Variants in TLK1 observed in about 807,000 individuals in gnomAD.
TLK1 encodes tousled like kinase 1.
In TLK1, 24 loss-of-function variants were observed where a neutral mutation model predicts 105.3. The observed-to-expected ratio is 0.23, with a 90% CI of 0.17 to 0.32. TLK1 has a LOEUF of 0.32. Ranked by LOEUF, TLK1 falls within the 10% of genes least tolerant of loss-of-function variation. The pLI, the probability that TLK1 is intolerant of heterozygous loss-of-function variation, is 1.00. For missense variants in TLK1, 558 were observed against 910.5 expected (o/e 0.61, Z 4.98); for synonymous variants, 321 against 310.4 (o/e 1.03, Z -0.36).
chr2:170,996,637 T>C lies in TLK1; in HGVS notation c.2124+16A>G, dbSNP rs764357460. 7 of 1,598,274 alleles carry C rather than the reference T, an allele frequency of 4.4e-6. No homozygotes were observed. The East Asian group carries it at 1.1e-4, about 25-fold the overall frequency. ...GAAAAGTTACTTCACAAAACTCATTTACAAAAATTTAATACCTTGGCTTCA... is the reference window on the plus strand; with the variant it reads ...GAAAAGTTACTTCACAAAACTCATTCACAAAAATTTAATACCTTGGCTTCA... On this transcript the variant is annotated intron_variant, in intron 20 of 20. Coordinates refer to ENST00000431350, the MANE Select transcript of TLK1 (RefSeq NM_012290.5).
intron 11 of TLK1, among the ~76,000 whole-genome samples, chr2:171,029,723 G>A (rs1685948330): frequency 6.6e-6 from 1 of 152,058 alleles, no homozygotes; most frequent in South Asian, 2.1e-4. Flanking sequence ...ACCTGACTTT[G>A]AAAAGTAATC....
chr2:171,107,506 T>C (rs1168994964), intron 2 of TLK1, among the ~76,000 whole-genome samples: 2 of 152,200 alleles, frequency 1.3e-5, no homozygotes, highest in Non-Finnish European at 2.9e-5. Flanking sequence ...GAGACTATTA[T>C]GTATTATAAC....
At chr2:170,998,358 A>G (rs925476593) in intron 18 of TLK1, among the ~76,000 whole-genome samples, 3 of 152,134 alleles carry the variant, frequency 2.0e-5, no homozygotes, top group African/African-American at 7.2e-5. Context: ...TGGCAACAAC[A>G]TACATTTTCA....
rs369946876 is a variant in TLK1, at chr2:171,086,634, C to A, written c.259-3782G>T. On this transcript the variant is annotated intron_variant, in intron 2 of 20. Transcript: ENST00000431350. ...GAGCAAGACTCCGTCTCAAAAAAAACAAACAAAAAAAAAAAACAGAAAAAA... is the reference window on the plus strand; with the variant it reads ...GAGCAAGACTCCGTCTCAAAAAAAAAAAACAAAAAAAAAAAACAGAAAAAA... Among the ~76,000 whole-genome samples the A allele has an allele frequency of 7.6e-3, 684 of 89,852 alleles. 4 individuals are homozygous for A. The highest frequency in any genetic ancestry group is 0.026 in the African/African-American group (586 of 22,492). The allele number at this position is 89,852 out of a possible 152,430, so 58.9% of individuals were successfully genotyped here.
At chr2:171,077,868 G>T (rs961443603) in intron 3 of TLK1, among the ~76,000 whole-genome samples, 2 of 152,176 alleles carry the variant, frequency 1.3e-5, no homozygotes, top group African/African-American at 2.4e-5. Context: ...GTGAATTCAT[G>T]AGCTAATGAA....
intron 1 of TLK1, among the ~76,000 whole-genome samples, chr2:171,148,308 A>C (rs913748028): frequency 5.3e-5 from 8 of 152,080 alleles, no homozygotes; most frequent in Non-Finnish European, 8.8e-5. Flanking sequence ...TAGGTGCCTA[A>C]TAATGTGTGT....
At chr2:171,049,785 A>G (rs770620327) in intron 10 of TLK1, 29 bp downstream of exon 10, 1 of 1,610,672 alleles carries the variant, frequency 6.2e-7, no homozygotes, top group Non-Finnish European at 8.5e-7. Flanking sequence ...ACGAATACTA[A>G]AAACTTTTAA....
chr2:171,160,838 G>C lies in TLK1; in HGVS notation c.-410C>G, dbSNP rs1460266407. ...AGTGCGTCGGCCCCCGGCGTCGCCC[G>C]GGAGGCGGCGGCGGCGGGCTGTGGG... On this transcript the variant is annotated 5_prime_UTR_variant, in exon 1 of 21. Transcript: ENST00000431350. The surrounding 1 kb of genome is among the most constrained non-coding windows in gnomAD (Gnocchi z 4.4). The C allele has an allele frequency of 3.1e-6, 1 of 327,472 alleles. No individual in the cohort carries two copies. The highest frequency in any genetic ancestry group is 1.4e-4 in the South Asian group (1 of 7,036). 20.3% of individuals were successfully genotyped at this position (327,472 alleles called of 1,614,324 possible).
chr2:171,104,268 T>C (rs1394343843), intron 2 of TLK1, among the ~76,000 whole-genome samples: 2 of 145,522 alleles, frequency 1.4e-5, no homozygotes, highest in Non-Finnish European at 3.0e-5. Context: ...AGAGTTGAGA[T>C]TCTGTCTCAA....
intron 1 of TLK1, among the ~76,000 whole-genome samples, chr2:171,217,826 T>C (rs1045144618): frequency 1.3e-5 from 2 of 152,228 alleles, no homozygotes; most frequent in East Asian, 3.8e-4. Context: ...TCTGCATATA[T>C]ATGTGTGACT....
intron 1 of TLK1, among the ~76,000 whole-genome samples, chr2:171,169,586 A>G (rs1050210608): frequency 2.6e-5 from 4 of 152,188 alleles, no homozygotes; most frequent in African/African-American, 9.7e-5. Flanking sequence ...AAAATATACC[A>G]AAGTATTAAG....
chr2:171,141,590 C>G (rs1463843685), intron 1 of TLK1, among the ~76,000 whole-genome samples: 1 of 152,006 alleles, frequency 6.6e-6, no homozygotes, highest in Admixed American at 6.6e-5. Flanking sequence ...AGATTACAGT[C>G]AAAGGAGCAA....
rs1363377793 is a variant in TLK1, at chr2:171,108,047, A to C, written c.258+9692T>G. Among the ~76,000 whole-genome samples the C allele has an allele frequency of 4.1e-5, 6 of 146,438 alleles. No homozygotes were observed. The Admixed American group carries it at 4.1e-4, about 10-fold the overall frequency. ...ACTCCAGCCTGGGTGACAGAGTGAG[A>C]CCCCTCTCTCAAAAAAAAAACAACA... On this transcript the variant is annotated intron_variant, in intron 2 of 20. Coordinates refer to ENST00000431350, the MANE Select transcript of TLK1 (RefSeq NM_012290.5).
At chr2:171,058,359 T>C (rs1192505522) in intron 4 of TLK1, among the ~76,000 whole-genome samples, 162 bp from the exon 5 acceptor site, 1 of 152,124 alleles carries the variant, frequency 6.6e-6, no homozygotes, top group Non-Finnish European at 1.5e-5. Flanking sequence ...TTGGAGAATC[T>C]TACAAATAAA....
chr2:170,996,514 A>G (rs759825980), intron 20 of TLK1, 139 bp downstream of exon 20: 1 of 552,704 alleles, frequency 1.8e-6, no homozygotes, highest in Non-Finnish European at 3.1e-6. Context: ...TCTGAAAGTA[A>G]ATCACCAGCC....
intron 1 of TLK1, among the ~76,000 whole-genome samples, chr2:171,151,833 G>C (rs997977150): frequency 2.6e-5 from 4 of 152,096 alleles, no homozygotes; most frequent in African/African-American, 9.7e-5. Context: ...AAGTAACAGA[G>C]TAGTATACAA....
intron 11 of TLK1, among the ~76,000 whole-genome samples, chr2:171,039,241 G>A (rs1242827939): frequency 6.6e-6 from 1 of 151,928 alleles, no homozygotes; most frequent in African/African-American, 2.4e-5. Context: ...TCACTATGAT[G>A]TGTATAGATG....
chr2:171,196,190 C>A (rs1171918255), intron 1 of TLK1, among the ~76,000 whole-genome samples: 3 of 150,524 alleles, frequency 2.0e-5, no homozygotes, highest in Non-Finnish European at 4.4e-5. Context: ...GATCTTGGCT[C>A]ACTGCAACCT....
intron 1 of TLK1, among the ~76,000 whole-genome samples, chr2:171,226,660 A>G (rs1031231960): frequency 1.3e-5 from 2 of 152,200 alleles, no homozygotes; most frequent in Non-Finnish European, 2.9e-5. Flanking sequence ...CACTCTGTGC[A>G]TATGGTAGCT....
Sources: allele counts gnomAD v4.1 joint callset (sites outside exome capture counted in the v4.1 genomes callset), GRCh38; gene constraint gnomAD v4.1.1; non-coding constraint Gnocchi (gnomAD v3.1); transcripts MANE v1.5; gene names NCBI Gene and HGNC (gene_info 2026-07-23, HGNC 2026-07-21).